NBEA: variants seen among roughly 807,000 people sequenced by gnomAD.
NBEA encodes the protein neurobeachin, also known as lysosomal-trafficking regulator 2.
A neutral mutation model predicts 343.4 loss-of-function variants in NBEA; 44 were observed. That is an observed-to-expected ratio of 0.13 (90% confidence interval 0.10 to 0.16). The LOEUF (loss-of-function observed/expected upper bound fraction) is 0.16. Ranked by LOEUF, NBEA falls within the 10% of genes least tolerant of loss-of-function variation. NBEA has a pLI of 1.00. For synonymous variants in NBEA, 1,175 were observed against 1,238.7 expected (o/e 0.95, Z 1.08); for missense variants, 2,555 against 3,631.3 (o/e 0.70, Z 7.62).
chr13:35,253,355 G>C (rs1193445597), intron 34 of NBEA, among the ~76,000 whole-genome samples: 1 of 152,164 alleles, frequency 6.6e-6, no homozygotes, highest in Non-Finnish European at 1.5e-5. Flanking sequence ...GCATTTTTTA[G>C]CAATGGTATA....
intron 10 of NBEA, among the ~76,000 whole-genome samples, chr13:35,092,750 G>C (rs2065150711): frequency 6.6e-6 from 1 of 151,972 alleles, no homozygotes; most frequent in Non-Finnish European, 1.5e-5. Flanking sequence ...TGGTGGGATT[G>C]CCAAATGGTT....
intron 17 of NBEA, among the ~76,000 whole-genome samples, chr13:35,128,360 AT>A (rs1432730708): frequency 6.6e-6 from 1 of 152,212 alleles, no homozygotes; most frequent in Admixed American, 6.5e-5. Flanking sequence ...AGAAACATTC[AT>A]AAACTAGAAA....
intron 38 of NBEA, among the ~76,000 whole-genome samples, chr13:35,369,751 A>C (rs948590432): frequency 3.3e-5 from 5 of 151,770 alleles, no homozygotes; most frequent in African/African-American, 1.2e-4. Flanking sequence ...TTTTTGGTGG[A>C]GTCTTTAGGT....
intron 16 of NBEA, 102 bp from the exon 17 acceptor site, chr13:35,123,380 A>C: frequency 5.5e-6 from 3 of 543,232 alleles, no homozygotes; most frequent in Non-Finnish European, 8.8e-6. Flanking sequence ...AAATCTTCAG[A>C]GTTTTATATT....
intron 40 of NBEA, among the ~76,000 whole-genome samples, chr13:35,458,012 A>G (rs1206929821): frequency 6.6e-6 from 1 of 152,178 alleles, no homozygotes; most frequent in Non-Finnish European, 1.5e-5. Flanking sequence ...CCTTTTCACT[A>G]CTATGAATAA....
At chr13:35,264,883 G>A (rs1456072633) in intron 34 of NBEA, among the ~76,000 whole-genome samples, 6 of 151,534 alleles carry the variant, frequency 4.0e-5, no homozygotes, top group Admixed American at 1.3e-4. Context: ...AGAAGTCCTG[G>A]ACAGAACAGC....
chr13:35,310,755 A>G (rs2037307896), intron 36 of NBEA, among the ~76,000 whole-genome samples: 1 of 152,164 alleles, frequency 6.6e-6, no homozygotes, highest in African/African-American at 2.4e-5. Flanking sequence ...GGCATGACCT[A>G]TTCATTTCAT....
At chr13:35,295,898 C>G (rs1240666844) in intron 35 of NBEA, among the ~76,000 whole-genome samples, 1 of 151,972 alleles carries the variant, frequency 6.6e-6, no homozygotes, top group Non-Finnish European at 1.5e-5. Context: ...TTTTAAAACT[C>G]TTAGAGAAGT....
intron 40 of NBEA, among the ~76,000 whole-genome samples, chr13:35,467,783 G>T (rs1166944169): frequency 1.3e-5 from 2 of 152,114 alleles, no homozygotes; most frequent in African/African-American, 2.4e-5. Context: ...TGAGCATGTA[G>T]TTTCCAAGTA....
intron 34 of NBEA, among the ~76,000 whole-genome samples, chr13:35,265,359 G>T (rs1469712863): frequency 6.6e-6 from 1 of 151,752 alleles, no homozygotes; most frequent in East Asian, 1.9e-4. Flanking sequence ...CACAAAAGTA[G>T]AAAAATCATT....
At chr13:35,517,003 T>C (rs983662313) in intron 41 of NBEA, among the ~76,000 whole-genome samples, 1 of 152,226 alleles carries the variant, frequency 6.6e-6, no homozygotes, top group African/African-American at 2.4e-5. Flanking sequence ...CATACTCACT[T>C]ACTCTTGTCT....
chr13:35,105,386 T>TA, intron 11 of NBEA, among the ~76,000 whole-genome samples: 1 of 152,092 alleles, frequency 6.6e-6, no homozygotes, highest in East Asian at 1.9e-4. Flanking sequence ...CTGGGTTATC[T>TA]AAGTCTCAAT....
intron 38 of NBEA, among the ~76,000 whole-genome samples, chr13:35,404,958 G>A (rs866830845): frequency 2.0e-5 from 3 of 151,950 alleles, no homozygotes; most frequent in South Asian, 2.1e-4. Context: ...CACGATTGGA[G>A]GAAACAGTCA....
At chr13:35,452,368 T>C (rs2046352386) in intron 40 of NBEA, 133 bp downstream of exon 40, 1 of 668,388 alleles carries the variant, frequency 1.5e-6, no homozygotes, top group East Asian at 2.8e-5. Context: ...GTTAAAACTC[T>C]ACTTTATCTC....
chr13:35,176,553 G>A (rs781605466), intron 27 of NBEA, among the ~76,000 whole-genome samples: 6 of 151,756 alleles, frequency 4.0e-5, no homozygotes, highest in Admixed American at 1.3e-4. Flanking sequence ...TAATCTTACC[G>A]TTTCTAACCT....
chr13:35,374,455 C>T (rs150460624), intron 38 of NBEA, among the ~76,000 whole-genome samples: 7 of 152,218 alleles, frequency 4.6e-5, no homozygotes, highest in Admixed American at 1.3e-4. Flanking sequence ...TAAATGAGCA[C>T]GTGGCACCAA....
chr13:35,533,208 A>G (rs1451193353), intron 41 of NBEA, among the ~76,000 whole-genome samples: 1 of 152,134 alleles, frequency 6.6e-6, no homozygotes, highest in Non-Finnish European at 1.5e-5. Flanking sequence ...GCATTTTCAT[A>G]TAATGTTCTT....
intron 11 of NBEA, among the ~76,000 whole-genome samples, chr13:35,103,461 T>C (rs1279793932): frequency 1.3e-5 from 2 of 151,718 alleles, no homozygotes; most frequent in Admixed American, 6.6e-5. Context: ...CTGCTTCATC[T>C]TTCTAAATTC....
intron 38 of NBEA, among the ~76,000 whole-genome samples, chr13:35,406,781 G>A (rs2152912578): frequency 6.6e-6 from 1 of 152,130 alleles, no homozygotes; most frequent in African/African-American, 2.4e-5. Context: ...ACACTCAATT[G>A]TTAATTTTGT....
Sources: allele counts gnomAD v4.1 joint callset (sites outside exome capture counted in the v4.1 genomes callset), GRCh38; gene constraint gnomAD v4.1.1; transcripts MANE v1.5; gene names NCBI Gene and HGNC (gene_info 2026-07-23, HGNC 2026-07-21).